The following MAF variants were observed in gnomAD, a reference collection of about 807,000 sequenced individuals.
MAF encodes MAF bZIP transcription factor, also known as transcription factor Maf.
A neutral mutation model predicts 22.0 loss-of-function variants in MAF; 10 were observed. The ratio of observed to expected loss-of-function variants is 0.45; its 90% CI spans 0.28 to 0.77. The LOEUF (loss-of-function observed/expected upper bound fraction) is 0.77. Among genes scored for constraint, MAF ranks in the 30% least tolerant of loss-of-function variants. MAF has a pLI of 0.12. For missense variants in MAF, 544 were observed against 548.4 expected (o/e 0.99, Z 0.08); for synonymous variants, 337 against 255.8 (o/e 1.32, Z -3.03).
chr16:79,361,990 G>A, the MAF span, among the ~76,000 whole-genome samples: 17 of 152,248 alleles, frequency 1.1e-4, no homozygotes, highest in Admixed American at 2.0e-4. Context: ...GACAGAGATC[G>A]TTAACCCCAT....
chr16:79,515,265 C>T, the MAF span, among the ~76,000 whole-genome samples: 3 of 152,172 alleles, frequency 2.0e-5, no homozygotes, highest in Admixed American at 1.3e-4. Context: ...TCTATGCTGG[C>T]GATTAGTGCC....
the MAF span, among the ~76,000 whole-genome samples, chr16:79,233,034 G>T: frequency 6.6e-6 from 1 of 151,800 alleles, no homozygotes; most frequent in East Asian, 1.9e-4. Context: ...TAGAGACTGG[G>T]TGTCACCGTG....
chr16:79,211,034 A>AGTGTGTGTGTGTGTGTGT, the MAF span, among the ~76,000 whole-genome samples: 1,229 of 149,702 alleles, frequency 8.2e-3, 6 homozygotes, highest in African/African-American at 0.012. Context: ...TATGGTGAGG[A>AGTGTGTGTGTGTGTGTGT]GTGTGTGTGT....
At chr16:79,598,382 T>A (rs1261348696) in intron 1 of MAF, 10 of 1,156,702 alleles carry the variant, frequency 8.6e-6, no homozygotes, top group Admixed American at 5.0e-5. Context: ...TCAAAGGTGA[T>A]CAACGTTTCA....
the MAF span, among the ~76,000 whole-genome samples, chr16:79,566,988 A>C: frequency 6.6e-6 from 1 of 152,222 alleles, no homozygotes. Context: ...GTCTGGGATG[A>C]AGTAAATGCA....
the MAF span, among the ~76,000 whole-genome samples, chr16:79,376,572 G>A: frequency 0.61 from 92,086 of 151,790 alleles, 29,125 homozygotes; most frequent in African/African-American, 0.77. Context: ...ACATGTGCAC[G>A]ACGTGCAGGT....
chr16:79,282,305 C>A, the MAF span, among the ~76,000 whole-genome samples: 1 of 152,082 alleles, frequency 6.6e-6, no homozygotes, highest in African/African-American at 2.4e-5. Context: ...CCCCAAGTTC[C>A]CTGGGAGAGG....
At chr16:79,321,228 C>T in the MAF span, among the ~76,000 whole-genome samples, 4 of 152,194 alleles carry the variant, frequency 2.6e-5, no homozygotes, top group East Asian at 1.9e-4. Context: ...TGGGAGGTGT[C>T]GGAGTGGATG....
the MAF span, among the ~76,000 whole-genome samples, chr16:79,444,377 A>G: frequency 6.6e-6 from 1 of 152,224 alleles, no homozygotes; most frequent in African/African-American, 2.4e-5. Context: ...TTAAAATATT[A>G]AGAAAAATTA....
chr16:79,220,007 A>C, the MAF span, among the ~76,000 whole-genome samples: 1 of 152,106 alleles, frequency 6.6e-6, no homozygotes, highest in Non-Finnish European at 1.5e-5. Flanking sequence ...AAAAATTAAA[A>C]TTCTTTGGGA....
the MAF span, among the ~76,000 whole-genome samples, chr16:79,435,452 T>G: frequency 6.6e-6 from 1 of 152,366 alleles, no homozygotes; most frequent in South Asian, 2.1e-4. Flanking sequence ...TAGCGAAATC[T>G]TCTTTAAAGC....
chr16:79,324,934 G>A, the MAF span, among the ~76,000 whole-genome samples: 1 of 152,100 alleles, frequency 6.6e-6, no homozygotes, highest in Non-Finnish European at 1.5e-5. Flanking sequence ...TGAGCTTCTG[G>A]TGGTTTCTGG....
At chr16:79,443,160 G>C in the MAF span, among the ~76,000 whole-genome samples, 2 of 152,086 alleles carry the variant, frequency 1.3e-5, no homozygotes, top group African/African-American at 4.8e-5. Context: ...ACTGATGCTT[G>C]GTCTCCTGCC....
the MAF span, among the ~76,000 whole-genome samples, chr16:79,333,732 G>T: frequency 1.3e-5 from 2 of 152,174 alleles, no homozygotes; most frequent in African/African-American, 4.8e-5. Flanking sequence ...CCTATCTGAT[G>T]CCAGATCCCA....
the MAF span, among the ~76,000 whole-genome samples, chr16:79,363,568 T>C: frequency 1.3e-5 from 2 of 152,220 alleles, no homozygotes; most frequent in African/African-American, 4.8e-5. Context: ...TTCTACTGAA[T>C]GTGTATTGCT....
the MAF span, among the ~76,000 whole-genome samples, chr16:79,222,735 A>T: frequency 6.6e-6 from 1 of 152,178 alleles, no homozygotes; most frequent in Non-Finnish European, 1.5e-5. Flanking sequence ...CTAGTCTCTG[A>T]TAAAACAGTT....
At chr16:79,222,058 T>A in the MAF span, among the ~76,000 whole-genome samples, 18 of 152,168 alleles carry the variant, frequency 1.2e-4, no homozygotes, top group Non-Finnish European at 1.0e-4. Flanking sequence ...GCTCTCTGAC[T>A]ACCATGAAAT....
chr16:79,271,940 G>A, the MAF span, among the ~76,000 whole-genome samples: 34 of 152,152 alleles, frequency 2.2e-4, no homozygotes, highest in Non-Finnish European at 4.6e-4. Context: ...AGCAAAACGG[G>A]GGCCCACACA....
chr16:79,565,526 G>A, the MAF span, among the ~76,000 whole-genome samples: 2 of 152,060 alleles, frequency 1.3e-5, no homozygotes, highest in African/African-American at 4.8e-5. Flanking sequence ...GACCAGTTGG[G>A]AGGTGACTGA....
Sources: gnomAD v4.1 joint callset for allele counts (sites outside exome capture counted in the v4.1 genomes callset) on GRCh38, gnomAD v4.1.1 for gene constraint, MANE v1.5 for transcripts, NCBI Gene and HGNC (gene_info 2026-07-23, HGNC 2026-07-21) for gene names.